Variants in LRP1B observed in about 807,000 individuals in gnomAD.
LRP1B encodes low-density lipoprotein receptor-related protein 1B.
LRP1B carries 217 observed loss-of-function variants against 556.6 expected under a neutral mutation model. That is an observed-to-expected ratio of 0.39 (90% CI 0.35 to 0.44). LRP1B has a LOEUF of 0.44. Ranked by LOEUF, LRP1B falls within the 20% of genes least tolerant of loss-of-function variation. The probability of loss-of-function intolerance (pLI) is 1.00; values close to 1 mark genes in which losing one functional copy is unlikely to be tolerated. For synonymous variants in LRP1B, 2,047 were observed against 1,865.8 expected (o/e 1.10, Z -2.50); for missense variants, 5,053 against 5,620.8 (o/e 0.90, Z 3.23).
chr2:141,820,374 A>G (rs1696713217), intron 1 of LRP1B, among the ~76,000 whole-genome samples: 1 of 152,224 alleles, frequency 6.6e-6, no homozygotes, highest in Admixed American at 6.5e-5. Context: ...GGTTAAGGAA[A>G]GGTAGACCAA....
At chr2:140,277,414 C>G (rs554883033) in intron 84 of LRP1B, among the ~76,000 whole-genome samples, 1 of 151,648 alleles carries the variant, frequency 6.6e-6, no homozygotes, top group African/African-American at 2.4e-5. Flanking sequence ...GGTGAAACCC[C>G]CTCTCTACTA....
intron 20 of LRP1B, among the ~76,000 whole-genome samples, chr2:140,938,431 T>C (rs1244467941): frequency 6.6e-6 from 1 of 152,110 alleles, no homozygotes; most frequent in Non-Finnish European, 1.5e-5. Flanking sequence ...CAGTGCTCTT[T>C]GTGAAATTTC....
At chr2:140,699,810 T>A (rs528391025) in intron 41 of LRP1B, among the ~76,000 whole-genome samples, 1 of 147,416 alleles carries the variant, frequency 6.8e-6, no homozygotes, top group East Asian at 2.0e-4. Flanking sequence ...TATATATATT[T>A]TATATATATA....
chr2:140,914,576 T>C (rs897843201), intron 21 of LRP1B, among the ~76,000 whole-genome samples: 4 of 152,026 alleles, frequency 2.6e-5, no homozygotes, highest in African/African-American at 7.2e-5. Context: ...GGGGACAGAA[T>C]AGATTGCTAT....
At chr2:141,140,645 A>G (rs553269991) in intron 7 of LRP1B, among the ~76,000 whole-genome samples, 2 of 152,186 alleles carry the variant, frequency 1.3e-5, no homozygotes, top group Non-Finnish European at 2.9e-5. Context: ...CTGCAAGCTA[A>G]GGACAGACGT....
intron 2 of LRP1B, among the ~76,000 whole-genome samples, chr2:141,562,647 C>T (rs1686201816): frequency 6.6e-6 from 1 of 151,904 alleles, no homozygotes; most frequent in African/African-American, 2.4e-5. Context: ...AGTTGCACAA[C>T]CGCTGGCTTC....
At chr2:141,952,801 C>G (rs1196527854) in intron 1 of LRP1B, among the ~76,000 whole-genome samples, 1 of 152,102 alleles carries the variant, frequency 6.6e-6, no homozygotes, top group Non-Finnish European at 1.5e-5. Context: ...GGGTCAGTAT[C>G]TGGCTTACTG....
Position 140,700,636 on chromosome 2 carries a change from T to C in LRP1B, c.6428-15A>G, listed in dbSNP as rs777677302. 6.2e-7 allele frequency: 1 copy of C among 1,612,768 alleles called. No homozygotes were observed. On this transcript the variant is annotated splice_polypyrimidine_tract_variant and intron_variant, in intron 40 of 90. Coordinates refer to ENST00000389484, the MANE Select transcript of LRP1B (RefSeq NM_018557.3). ...AACATTGGTCCCTAATGAAGAAAAA[T>C]GATACACACATGCACATGTTTATGT... is the stretch of plus-strand genomic sequence containing the variant.
At chr2:142,120,579 A>G (rs1309317220) in intron 1 of LRP1B, among the ~76,000 whole-genome samples, 3 of 152,186 alleles carry the variant, frequency 2.0e-5, no homozygotes, top group Admixed American at 2.0e-4. Context: ...ATTGAAAAGG[A>G]GCTCTTTCTT....
chr2:141,714,075 T>C (rs1366478196), intron 2 of LRP1B, among the ~76,000 whole-genome samples: 1 of 152,192 alleles, frequency 6.6e-6, no homozygotes, highest in East Asian at 1.9e-4. Context: ...CCTTCTTTTT[T>C]TCATCTGCAA....
chr2:141,319,744 C>G (rs1026002338), intron 3 of LRP1B, among the ~76,000 whole-genome samples: 2 of 152,092 alleles, frequency 1.3e-5, no homozygotes, highest in South Asian at 2.1e-4. Context: ...TGTATTGAAT[C>G]GCAAGTTGCA....
At chr2:141,049,939 A>G (rs889350033) in intron 10 of LRP1B, among the ~76,000 whole-genome samples, 1 of 152,070 alleles carries the variant, frequency 6.6e-6, no homozygotes, top group African/African-American at 2.4e-5. Flanking sequence ...TGTCAGCATC[A>G]AGGTAGCTCT....
intron 2 of LRP1B, among the ~76,000 whole-genome samples, chr2:141,648,216 A>G (rs1222708526): frequency 6.6e-6 from 1 of 152,200 alleles, no homozygotes; most frequent in Non-Finnish European, 1.5e-5. Context: ...GGATGCCTGA[A>G]TTCTTGACTG....
intron 1 of LRP1B, among the ~76,000 whole-genome samples, chr2:142,095,700 T>G (rs1559068483): frequency 6.6e-6 from 1 of 151,720 alleles, no homozygotes; most frequent in Non-Finnish European, 1.5e-5. Flanking sequence ...TTTTTCAACA[T>G]GTATTTTTTT....
chr2:140,814,781 A>G (rs532362962), intron 31 of LRP1B, among the ~76,000 whole-genome samples: 114 of 152,278 alleles, frequency 7.5e-4, no homozygotes, highest in African/African-American at 2.3e-3. Flanking sequence ...AATCAAGCCA[A>G]TGACTTAAGA....
intron 11 of LRP1B, among the ~76,000 whole-genome samples, chr2:141,040,935 G>A (rs1698679593): frequency 6.6e-6 from 1 of 151,966 alleles, no homozygotes; most frequent in African/African-American, 2.4e-5. Context: ...CATTCTTCCT[G>A]GCTATTCTTC....
At chr2:141,121,103 G>A (rs1361588856) in intron 7 of LRP1B, among the ~76,000 whole-genome samples, 2 of 151,954 alleles carry the variant, frequency 1.3e-5, no homozygotes, top group South Asian at 2.1e-4. Flanking sequence ...CCACCTATGC[G>A]ACACTGGCAA....
chr2:140,964,174 G>C (rs370200670), intron 18 of LRP1B, among the ~76,000 whole-genome samples: 2 of 152,108 alleles, frequency 1.3e-5, no homozygotes, highest in Non-Finnish European at 2.9e-5. Context: ...GACAGCTTAC[G>C]CCATTATTTC....
intron 66 of LRP1B, among the ~76,000 whole-genome samples, chr2:140,392,891 T>C (rs574564864): frequency 1.3e-5 from 2 of 152,000 alleles, no homozygotes; most frequent in African/African-American, 2.4e-5. Flanking sequence ...TCCACTAATA[T>C]CTAACAATTA....
Sources: gnomAD v4.1 joint callset for allele counts (sites outside exome capture counted in the v4.1 genomes callset) on GRCh38, gnomAD v4.1.1 for gene constraint, MANE v1.5 for transcripts, NCBI Gene and HGNC (gene_info 2026-07-23, HGNC 2026-07-21) for gene names.